Variants in PDLIM5 observed in about 807,000 individuals in gnomAD.
The protein encoded by PDLIM5 is PDZ and LIM domain 5.
PDLIM5 carries 34 observed loss-of-function variants against 64.2 expected under a neutral mutation model. That is an observed-to-expected ratio of 0.53 (90% confidence interval 0.40 to 0.71). The LOEUF is 0.71. Ranked by LOEUF, PDLIM5 falls within the 30% of genes least tolerant of loss-of-function variation. The pLI is 0.00. For synonymous variants in PDLIM5, 253 were observed against 269.1 expected (o/e 0.94, Z 0.59); for missense variants, 683 against 733.6 (o/e 0.93, Z 0.80).
intron 10 of PDLIM5, among the ~76,000 whole-genome samples, chr4:94,656,468 T>G (rs978915949): frequency 8.7e-4 from 132 of 151,896 alleles, no homozygotes; most frequent in Non-Finnish European, 2.1e-4. Flanking sequence ...CATTCGAGTC[T>G]GTGCTTAGTG....
chr4:94,516,573 G>C (rs1459768219), intron 2 of PDLIM5, among the ~76,000 whole-genome samples: 1 of 151,984 alleles, frequency 6.6e-6, no homozygotes, highest in African/African-American at 2.4e-5. Flanking sequence ...ACCCAGGCTG[G>C]AGTATGGTAG....
chr4:94,482,588 G>A (rs1369134716), intron 2 of PDLIM5, among the ~76,000 whole-genome samples: 3 of 152,034 alleles, frequency 2.0e-5, no homozygotes, highest in Admixed American at 6.6e-5. Flanking sequence ...ATTGTGGTAT[G>A]GATCATTGTC....
At chr4:94,456,286 T>C (rs1030717301) in intron 2 of PDLIM5, 65 of 508,600 alleles carry the variant, frequency 1.3e-4, no homozygotes, top group African/African-American at 1.1e-3. Context: ...ACAACCTCCA[T>C]CTCCCGAGTT....
At chr4:94,602,719 G>A (rs1009682596) in intron 7 of PDLIM5, among the ~76,000 whole-genome samples, 3 of 151,786 alleles carry the variant, frequency 2.0e-5, no homozygotes, top group Non-Finnish European at 2.9e-5. Context: ...GCCTCCCAAA[G>A]TGCTGGGATT....
intron 2 of PDLIM5, among the ~76,000 whole-genome samples, chr4:94,500,502 T>C (rs1727815444): frequency 6.6e-6 from 1 of 152,138 alleles, no homozygotes; most frequent in African/African-American, 2.4e-5. Context: ...CACTGGGGAA[T>C]TGATGGCAGA....
At chr4:94,516,573 G>A (rs1459768219) in intron 2 of PDLIM5, among the ~76,000 whole-genome samples, 1 of 152,102 alleles carries the variant, frequency 6.6e-6, no homozygotes. Context: ...ACCCAGGCTG[G>A]AGTATGGTAG....
intron 8 of PDLIM5, among the ~76,000 whole-genome samples, chr4:94,629,453 G>C (rs1011111419): frequency 1.3e-5 from 2 of 152,118 alleles, no homozygotes; most frequent in Non-Finnish European, 2.9e-5. Flanking sequence ...TATCTTCAGG[G>C]TACATACTGG....
intron 7 of PDLIM5, among the ~76,000 whole-genome samples, chr4:94,590,246 T>C (rs1043847258): frequency 1.2e-4 from 19 of 152,232 alleles, no homozygotes; most frequent in African/African-American, 3.9e-4. Flanking sequence ...TAGAGTTTAT[T>C]TAATACAAAT....
chr4:94,636,578 G>A (rs1248450341), intron 8 of PDLIM5, among the ~76,000 whole-genome samples: 3 of 139,358 alleles, frequency 2.2e-5, no homozygotes, highest in East Asian at 2.1e-4. Flanking sequence ...TTGCTCTGTC[G>A]CCCAGGCTGG....
In PDLIM5 at chr4:94,664,154, A is replaced by G. The variant is rs1367525806; in HGVS notation, c.*87A>G. 4.5e-6 allele frequency: 6 copies of G among 1,318,826 alleles called. No homozygotes were observed. Among genetic ancestry groups the G allele is most frequent in the East Asian group, 5.6e-5 (2 of 35,926 alleles). The allele number at this position is 1,318,826 out of a possible 1,614,324, so 81.7% of individuals were successfully genotyped here. The stretch of plus-strand genomic sequence containing the variant: ...ATTAATTTTTAGATTCAATATTTAT[A>G]TGGAGTTTTGAAAAATAATAGTGGC... On this transcript the variant is annotated 3_prime_UTR_variant, in exon 13 of 13. Coordinates refer to ENST00000317968, the MANE Select transcript of PDLIM5 (RefSeq NM_006457.5).
chr4:94,528,127 T>C (rs2110147595), intron 3 of PDLIM5, among the ~76,000 whole-genome samples: 1 of 152,302 alleles, frequency 6.6e-6, no homozygotes, highest in African/African-American at 2.4e-5. Flanking sequence ...AGGATAGGTT[T>C]CTCACCATCC....
At position 94,512,281 on chromosome 4, in the gene PDLIM5, A is replaced by C. The variant is rs188187286; in HGVS notation, c.97-11443A>C. 1.8e-4 allele frequency among the ~76,000 whole-genome samples: 27 copies of C among 152,074 alleles called. 1 individual carries two copies. Among genetic ancestry groups the C allele is most frequent in the Admixed American group, 6.5e-4 (10 of 15,284 alleles). On this transcript the variant is annotated intron_variant, in intron 2 of 12. Coordinates refer to ENST00000317968, the MANE Select transcript of PDLIM5 (RefSeq NM_006457.5). ...TGATCCGCCCGCCTCAGCCTCCCAA[A>C]GTTCTGGGATTACAGGCATGAGCCA...
At chr4:94,494,438 T>TTTTTTTTTTTG (rs1727178857) in intron 2 of PDLIM5, among the ~76,000 whole-genome samples, 1 of 46,298 alleles carries the variant, frequency 2.2e-5, no homozygotes, top group East Asian at 6.3e-4. Flanking sequence ...TCTTGTTTTT[T>TTTTTTTTTTTG]TTTTTTTTTT....
intron 3 of PDLIM5, among the ~76,000 whole-genome samples, chr4:94,551,613 A>T (rs1413819243): frequency 6.6e-6 from 1 of 152,174 alleles, no homozygotes; most frequent in Non-Finnish European, 1.5e-5. Context: ...ATAAACGTGA[A>T]GATCTTTGGA....
At chr4:94,489,418 G>T (rs1376896848) in intron 2 of PDLIM5, among the ~76,000 whole-genome samples, 3 of 152,090 alleles carry the variant, frequency 2.0e-5, no homozygotes, top group Non-Finnish European at 4.4e-5. Context: ...TATAAATGAT[G>T]AAGTCATTTT....
intron 2 of PDLIM5, among the ~76,000 whole-genome samples, chr4:94,481,671 C>T (rs1263879837): frequency 2.0e-5 from 3 of 151,844 alleles, no homozygotes; most frequent in African/African-American, 7.3e-5. Flanking sequence ...TGCAGTGGCG[C>T]GATCTCCGCT....
intron 11 of PDLIM5, among the ~76,000 whole-genome samples, chr4:94,661,283 A>C (rs1742692300): frequency 6.6e-6 from 1 of 151,980 alleles, no homozygotes; most frequent in South Asian, 2.1e-4. Context: ...AGTCTCAGCT[A>C]CTCAGGAGAC....
intron 2 of PDLIM5, among the ~76,000 whole-genome samples, chr4:94,479,346 T>TG (rs1725642058): frequency 6.7e-6 from 1 of 148,876 alleles, no homozygotes; most frequent in South Asian, 2.1e-4. Flanking sequence ...TTTTTTTTTT[T>TG]GAGACAGGGT....
chr4:94,584,209 G>A (rs1192387653), intron 5 of PDLIM5, among the ~76,000 whole-genome samples: 1 of 152,184 alleles, frequency 6.6e-6, no homozygotes, highest in African/African-American at 2.4e-5. Context: ...TCTTGTGCCA[G>A]TAGTCTGCTA....
Sources: gnomAD v4.1 joint callset for allele counts (sites outside exome capture counted in the v4.1 genomes callset) on GRCh38, gnomAD v4.1.1 for gene constraint, MANE v1.5 for transcripts, NCBI Gene and HGNC (gene_info 2026-07-23, HGNC 2026-07-21) for gene names.